IL21R: variants seen among roughly 807,000 people sequenced by gnomAD.
The protein encoded by IL21R is interleukin 21 receptor.
Under a neutral mutation model 41.3 loss-of-function variants are expected in IL21R, and 14 were observed. The ratio of observed to expected loss-of-function variants is 0.34; its 90% confidence interval spans 0.22 to 0.53. The LOEUF is 0.53. IL21R is among the 20% of genes least tolerant of loss of function. The pLI is 0.94. For missense variants in IL21R, 588 were observed against 681.6 expected, an observed-to-expected ratio of 0.86 and a Z score of 1.53; for synonymous variants, 286 against 287.6, an observed-to-expected ratio of 0.99 and a Z score of 0.05.
chr16:27,435,951 T>A (rs533002220), intron 3 of IL21R, among the ~76,000 whole-genome samples: 2 of 152,268 alleles, frequency 1.3e-5, no homozygotes, highest in Admixed American at 6.5e-5. Context: ...TTTTGTATTT[T>A]AAGTAGAGAC....
At chr16:27,441,495 G>A (rs1015018475) in intron 4 of IL21R, among the ~76,000 whole-genome samples, 7 of 152,176 alleles carry the variant, frequency 4.6e-5, no homozygotes, top group Non-Finnish European at 1.0e-4. Flanking sequence ...TGGCCTCCCA[G>A]GGCCACTGTG....
rs574966814 is a variant in IL21R at position 27,449,628 on chromosome 16, G to C, written c.*345G>C. 1.4e-4 allele frequency: 46 copies of C among 324,238 alleles called. 1 individual carries two copies. In the South Asian group the frequency reaches 3.8e-3, roughly 27 times the overall value. The allele number at this position is 324,238 out of a possible 1,614,324, so 20.1% of individuals were successfully genotyped here. A position where few individuals can be genotyped will look rare whatever the true frequency, so the allele number is the denominator to read the frequency against. ...ATGTGCACAAGTGTGCACAGTAAAC[G>C]TGTTTGTGGTCAACAGATGACAACA... On this transcript the variant is annotated 3_prime_UTR_variant, in exon 9 of 9. Coordinates refer to ENST00000337929, the MANE Select transcript of IL21R (RefSeq NM_181078.3).
At chr16:27,408,955 A>G (rs1315922012) in intron 1 of IL21R, among the ~76,000 whole-genome samples, 1 of 152,094 alleles carries the variant, frequency 6.6e-6, no homozygotes, top group Non-Finnish European at 1.5e-5. Flanking sequence ...TGCTATGAAC[A>G]TGCTGGTACA....
intron 1 of IL21R, among the ~76,000 whole-genome samples, chr16:27,421,275 T>C (rs1450754735): frequency 6.7e-6 from 1 of 150,268 alleles, no homozygotes; most frequent in Non-Finnish European, 1.5e-5. Context: ...CAAAACCTTT[T>C]TGGCTATTCT....
chr16:27,430,108 C>T lies in IL21R; in HGVS notation c.37C>T (p.Leu13=). Residue 13 remains leucine, a synonymous_variant, in exon 2 of 9, where the codon CTG becomes TTG. Coordinates refer to ENST00000337929, the MANE Select transcript of IL21R (RefSeq NM_181078.3). ...RGWAAPLLLL[L]LQGGWGCPDL... is the part of the protein sequence containing the mutation. ...CTGGGCCGCCCCCTTGCTCCTGCTGCTGCTCCAGGGAGGTAAGTGGCTGCC... is the reference window on the plus strand; with the variant it reads ...CTGGGCCGCCCCCTTGCTCCTGCTGTTGCTCCAGGGAGGTAAGTGGCTGCC... The T allele has an allele frequency of 1.2e-6, 2 of 1,604,626 alleles. No individual in the cohort carries two copies. The highest frequency in any genetic ancestry group is 1.7e-6 in the Non-Finnish European group (2 of 1,179,772).
chr16:27,410,164 T>C (rs867066351), intron 1 of IL21R, among the ~76,000 whole-genome samples: 5 of 152,118 alleles, frequency 3.3e-5, no homozygotes, highest in Non-Finnish European at 5.9e-5. Context: ...GGTGAAACCC[T>C]GTCTCCACTA....
intron 1 of IL21R, among the ~76,000 whole-genome samples, chr16:27,416,840 T>C (rs77563448): frequency 0.034 from 5,125 of 152,286 alleles, 99 homozygotes; most frequent in East Asian, 0.066. Context: ...GATCTGCCAA[T>C]GCTGGACATT....
At chr16:27,435,931 C>G (rs1303351213) in intron 3 of IL21R, among the ~76,000 whole-genome samples, 1 of 152,130 alleles carries the variant, frequency 6.6e-6, no homozygotes, top group Non-Finnish European at 1.5e-5. Flanking sequence ...CACCACCATG[C>G]CTGGCTAATT....
chr16:27,441,576 T>A (rs530813473), intron 4 of IL21R, among the ~76,000 whole-genome samples: 28 of 152,176 alleles, frequency 1.8e-4, no homozygotes, highest in Admixed American at 2.0e-4. Flanking sequence ...CCATTAGCAT[T>A]CATGCTAAGA....
intron 2 of IL21R, 43 bp downstream of exon 2, chr16:27,430,163 T>C: frequency 6.4e-7 from 1 of 1,563,948 alleles, no homozygotes; most frequent in African/African-American, 1.3e-5. Flanking sequence ...AGGGCCCCCA[T>C]CACAGAGCTG....
intron 3 of IL21R, among the ~76,000 whole-genome samples, chr16:27,435,383 C>T (rs538677790): frequency 3.8e-4 from 58 of 152,266 alleles, no homozygotes; most frequent in Non-Finnish European, 7.1e-4. Flanking sequence ...CACGGTGGGG[C>T]GGAGGCTGGG....
chr16:27,431,793 G>A (rs2087176859), intron 2 of IL21R, among the ~76,000 whole-genome samples: 1 of 152,056 alleles, frequency 6.6e-6, no homozygotes, highest in South Asian at 2.1e-4. Flanking sequence ...TGGGATAACA[G>A]GCACATGCCA....
At chr16:27,425,254 G>C (rs2087057140) in intron 1 of IL21R, among the ~76,000 whole-genome samples, 1 of 152,214 alleles carries the variant, frequency 6.6e-6, no homozygotes, top group Non-Finnish European at 1.5e-5. Flanking sequence ...GTTGCCCTCA[G>C]GGGTCAGCCT....
Position 27,449,507 on chromosome 16 carries a change from G to C in IL21R, c.*224G>C, listed in dbSNP as rs569159992. 3.0e-5 allele frequency: 17 copies of C among 573,940 alleles called. No individual in the cohort carries two copies. The South Asian group carries it at 3.5e-4, about 12-fold the overall frequency. The allele number at this position is 573,940 out of a possible 1,614,324, so 35.6% of individuals were successfully genotyped here. ...GGTGCGCAGTGGCATGTCCACGTGT[G>C]TGTGTGATTGCACGTGCCTGTGGGC... On this transcript the variant is annotated 3_prime_UTR_variant, in exon 9 of 9. Transcript: ENST00000337929.
At chr16:27,432,080 G>T (rs1567365373) in intron 2 of IL21R, among the ~76,000 whole-genome samples, 1 of 152,222 alleles carries the variant, frequency 6.6e-6, no homozygotes, top group Non-Finnish European at 1.5e-5. Context: ...ATTCAGGGGG[G>T]CTCTGCCCCC....
At chr16:27,430,177 C>T in intron 2 of IL21R, 57 bp downstream of exon 2, 2 of 1,502,540 alleles carry the variant, frequency 1.3e-6, no homozygotes, top group Non-Finnish European at 1.8e-6. Context: ...AGAGCTGAGC[C>T]AGGGCCGGGC....
intron 1 of IL21R, among the ~76,000 whole-genome samples, chr16:27,407,226 G>C (rs1247634555): frequency 6.6e-6 from 1 of 152,182 alleles, no homozygotes; most frequent in African/African-American, 2.4e-5. Context: ...GAACAAAATA[G>C]GTCAATTACC....
chr16:27,402,499 C>T lies in IL21R; in HGVS notation c.-136C>T, dbSNP rs1039454978. ...TGTGGATTCTCACCCCAGGCCTCTG[C>T]CTGCTTTCTCAGACCCTCATCTGTC... On this transcript the variant is annotated 5_prime_UTR_variant, in exon 1 of 9. Coordinates refer to ENST00000337929, the MANE Select transcript of IL21R (RefSeq NM_181078.3). 3.9e-5 allele frequency: 6 copies of T among 153,310 alleles called. No homozygotes were observed. The highest frequency in any genetic ancestry group is 2.9e-5 in the Non-Finnish European group (2 of 68,686). The allele number at this position is 153,310 out of a possible 1,614,324, so 9.5% of individuals were successfully genotyped here.
rs369785199 is a variant in IL21R at position 27,445,500 on chromosome 16, A to G, written c.785+224A>G. Among the ~76,000 whole-genome samples, 4 of 152,198 alleles carry G rather than the reference A, an allele frequency of 2.6e-5. No individual in the cohort carries two copies. In the East Asian group the frequency reaches 7.7e-4, roughly 29 times the overall value. The stretch of plus-strand genomic sequence containing the variant: ...GACACTGCAGTTGCCCTTATTTTAC[A>G]AATGGAGAAACTGAGGCAAGGAGAT... On this transcript the variant is annotated intron_variant, in intron 7 of 8. Transcript: ENST00000337929.
Sources: gnomAD v4.1 joint callset for allele counts (sites outside exome capture counted in the v4.1 genomes callset) on GRCh38, gnomAD v4.1.1 for gene constraint, MANE v1.5 for transcripts, NCBI Gene and HGNC (gene_info 2026-07-23, HGNC 2026-07-21) for gene names.